Variants in LYN observed in about 807,000 individuals in gnomAD.
The protein encoded by LYN is tyrosine-protein kinase Lyn.
Under a neutral mutation model 65.0 loss-of-function variants are expected in LYN, and 12 were observed. The ratio of observed to expected loss-of-function variants is 0.18; its 90% confidence interval spans 0.12 to 0.30. LYN has a LOEUF of 0.30. Ranked by LOEUF, LYN falls within the 10% of genes least tolerant of loss-of-function variation. The probability of loss-of-function intolerance (pLI) is 1.00; values close to 1 mark genes in which losing one functional copy is unlikely to be tolerated. For synonymous variants in LYN, 222 were observed against 221.2 expected, an observed-to-expected ratio of 1.00 and a Z score of -0.03; for missense variants, 380 against 623.2, an observed-to-expected ratio of 0.61 and a Z score of 4.16.
At chr8:55,980,785 A>C (rs1807895794) in intron 10 of LYN, among the ~76,000 whole-genome samples, 1 of 152,196 alleles carries the variant, frequency 6.6e-6, no homozygotes, top group Non-Finnish European at 1.5e-5. Context: ...TGGTAAAATA[A>C]ACACAAATTA....
chr8:55,991,394 A>T (rs1233411972), intron 10 of LYN, among the ~76,000 whole-genome samples: 1 of 152,204 alleles, frequency 6.6e-6, no homozygotes, highest in African/African-American at 2.4e-5. Context: ...GCTGACTGGC[A>T]GTGGAGGAAG....
chr8:55,911,412 G>A lies in LYN; in HGVS notation c.-5-30443G>A, dbSNP rs141018197. Reference sequence around the variant, plus strand: ...GTTGGGATTACGGGCGTGAGCCACCGCACCCAACCGGTTTTTTACTAAATT... The same window carrying A: ...GTTGGGATTACGGGCGTGAGCCACCACACCCAACCGGTTTTTTACTAAATT... On this transcript the variant is annotated intron_variant, in intron 1 of 12. Transcript: ENST00000519728. Among the ~76,000 whole-genome samples the A allele has an allele frequency of 2.7e-3, 394 of 146,322 alleles. 2 individuals carry two copies. Among genetic ancestry groups the A allele is most frequent in the African/African-American group, 9.0e-3 (358 of 39,564 alleles).
chr8:55,890,093 A>G (rs1804909319), intron 1 of LYN, among the ~76,000 whole-genome samples: 1 of 146,184 alleles, frequency 6.8e-6, no homozygotes, highest in African/African-American at 2.5e-5. Flanking sequence ...CCTGGGCAAT[A>G]AAGTGAGAAC....
chr8:55,913,295 G>T (rs949752580), intron 1 of LYN, among the ~76,000 whole-genome samples: 2 of 152,114 alleles, frequency 1.3e-5, no homozygotes, highest in East Asian at 3.9e-4. Context: ...TTTAGTAGGG[G>T]ACAAAAGTGT....
intron 1 of LYN, among the ~76,000 whole-genome samples, chr8:55,921,780 G>T (rs568505449): frequency 2.6e-4 from 39 of 152,260 alleles, no homozygotes; most frequent in African/African-American, 9.4e-4. Context: ...GTTGGCAGGA[G>T]TGTTGATAGC....
intron 12 of LYN, among the ~76,000 whole-genome samples, chr8:56,008,995 TAA>T (rs1808746288): frequency 6.6e-6 from 1 of 152,242 alleles, no homozygotes; most frequent in African/African-American, 2.4e-5. Flanking sequence ...AATTAATCCC[TAA>T]GTTTTTAACT....
intron 3 of LYN, among the ~76,000 whole-genome samples, chr8:55,947,058 G>A (rs185442478): frequency 2.8e-4 from 42 of 152,312 alleles, no homozygotes; most frequent in African/African-American, 9.6e-4. Flanking sequence ...GACCAGCCTG[G>A]TCAACATGGT....
At chr8:55,918,798 C>T (rs1046930124) in intron 1 of LYN, among the ~76,000 whole-genome samples, 53 of 152,086 alleles carry the variant, frequency 3.5e-4, no homozygotes, top group African/African-American at 3.4e-4. Context: ...GCCAACTACA[C>T]GGGGATTCTG....
rs1389792964 is a variant in LYN, at chr8:55,946,481, T to C, written c.166T>C (p.Phe56Leu). The C allele has an allele frequency of 6.2e-7, 1 of 1,608,990 alleles. No homozygotes were observed. The highest frequency in any genetic ancestry group is 1.7e-5 in the Admixed American group (1 of 59,680). The change falls in exon 3 of 13, where the codon TTT (phenylalanine) becomes CTT (leucine). Residue 56 changes from phenylalanine (F) to leucine (L), a missense_variant. Physicochemically the swap from Phe to Leu is conservative, Grantham distance 22. Around this residue, in one of 2 missense-constraint regions of LYN, gnomAD observed 157 missense variants for 193.2 expected, o/e 0.81. Coordinates refer to ENST00000519728, the MANE Select transcript of LYN (RefSeq NM_002350.4). Reference sequence around the variant, plus strand: ...ATCTCAGCTTTTACCTGGACAGAGGTTTCAAACTAAAGGTATGTTTTCATA... The same window carrying C: ...ATCTCAGCTTTTACCTGGACAGAGGCTTCAAACTAAAGGTATGTTTTCATA... The part of the protein sequence containing the change: ...PESQLLPGQR[F>L]QTKDPEEQGD...
chr8:55,992,285 C>T (rs919535173), intron 10 of LYN, among the ~76,000 whole-genome samples: 5 of 152,098 alleles, frequency 3.3e-5, no homozygotes, highest in Non-Finnish European at 4.4e-5. Context: ...TGTCTCTGGG[C>T]CCAGAGCTGT....
At chr8:55,922,524 C>T (rs1003317854) in intron 1 of LYN, among the ~76,000 whole-genome samples, 1 of 152,092 alleles carries the variant, frequency 6.6e-6, no homozygotes, top group African/African-American at 2.4e-5. Context: ...CCTATAATCC[C>T]AGCACTTTGG....
chr8:55,938,417 A>G (rs1806503869), intron 1 of LYN, among the ~76,000 whole-genome samples: 1 of 152,228 alleles, frequency 6.6e-6, no homozygotes, highest in East Asian at 1.9e-4. Context: ...CACTTGATAT[A>G]AAGTGCATTA....
intron 10 of LYN, among the ~76,000 whole-genome samples, chr8:55,987,338 G>C (rs781485898): frequency 1.9e-4 from 29 of 151,634 alleles, no homozygotes; most frequent in Non-Finnish European, 4.0e-4. Context: ...AGCCCCGGAG[G>C]TGGAGGTTAC....
chr8:55,946,058 C>T (rs945750052), intron 2 of LYN, among the ~76,000 whole-genome samples: 13 of 152,218 alleles, frequency 8.5e-5, no homozygotes, highest in Non-Finnish European at 1.2e-4. Context: ...CCTGCACAAC[C>T]GATCTGCGGA....
At chr8:56,009,645 C>T (rs144309875) in intron 12 of LYN, among the ~76,000 whole-genome samples, 196 of 152,262 alleles carry the variant, frequency 1.3e-3, no homozygotes, top group African/African-American at 4.5e-3. Context: ...AAGACCTACC[C>T]AAATGGCCTC....
At chr8:56,006,465 CT>C (rs1563332117) in intron 12 of LYN, among the ~76,000 whole-genome samples, 1 of 152,208 alleles carries the variant, frequency 6.6e-6, no homozygotes, top group Non-Finnish European at 1.5e-5. Flanking sequence ...GTGCTCCTCC[CT>C]GTCACTAGCT....
At chr8:56,004,409 T>A in intron 12 of LYN, among the ~76,000 whole-genome samples, 1 of 150,638 alleles carries the variant, frequency 6.6e-6, no homozygotes, top group East Asian at 2.0e-4. Flanking sequence ...TGCTCCTGCC[T>A]CAGCCTCCTG....
At chr8:55,897,487 A>G (rs975812611) in intron 1 of LYN, among the ~76,000 whole-genome samples, 5 of 152,160 alleles carry the variant, frequency 3.3e-5, no homozygotes, top group African/African-American at 1.2e-4. Flanking sequence ...GTTCTGTCTT[A>G]CTGTTCAAAT....
intron 12 of LYN, 78 bp downstream of exon 12, chr8:55,999,627 A>G (rs967949777): frequency 8.8e-6 from 12 of 1,366,864 alleles, no homozygotes; most frequent in Non-Finnish European, 1.0e-5. Context: ...TTAAAAAGTA[A>G]TAATTACTTC....
Sources: gnomAD v4.1 joint callset for allele counts (sites outside exome capture counted in the v4.1 genomes callset) on GRCh38, gnomAD v4.1.1 for gene constraint, gnomAD v4.1.1 regional missense constraint, MANE v1.5 for transcripts, NCBI Gene and HGNC (gene_info 2026-07-23, HGNC 2026-07-21) for gene names.